The following RASGRF2 variants were observed in gnomAD, a reference collection of about 807,000 sequenced individuals.
The protein encoded by RASGRF2 is ras-specific guanine nucleotide-releasing factor 2.
A neutral mutation model predicts 151.0 loss-of-function variants in RASGRF2; 76 were observed. That is an observed-to-expected ratio of 0.50 (90% CI 0.42 to 0.61). The LOEUF is 0.61. RASGRF2 is among the 20% of genes least tolerant of loss of function. The probability of loss-of-function intolerance (pLI) is 0.00; values close to 1 mark genes in which losing one functional copy is unlikely to be tolerated. For missense variants in RASGRF2, 1,148 were observed against 1,564.6 expected (o/e 0.73, Z 4.49); for synonymous variants, 504 against 566.5 (o/e 0.89, Z 1.57).
intron 21 of RASGRF2, among the ~76,000 whole-genome samples, chr5:81,207,559 C>T (rs1425098295): frequency 6.6e-6 from 1 of 152,176 alleles, no homozygotes; most frequent in Non-Finnish European, 1.5e-5. Flanking sequence ...GACAAAGAAC[C>T]CTGCCCAGGG....
chr5:81,057,427 T>C (rs1751259216), intron 2 of RASGRF2, among the ~76,000 whole-genome samples: 1 of 152,228 alleles, frequency 6.6e-6, no homozygotes, highest in South Asian at 2.1e-4. Flanking sequence ...TTCTATAAGA[T>C]AACTAAGGTC....
In RASGRF2 at chr5:81,027,292, A is replaced by G. The variant is rs140675370; in HGVS notation, c.289-15585A>G. Among the ~76,000 whole-genome samples, 88 of 152,320 alleles carry G rather than the reference A, an allele frequency of 5.8e-4. 2 individuals are homozygous for G. The East Asian group carries it at 0.016, about 27-fold the overall frequency. Reference sequence around the variant, plus strand: ...TCATCAACTGTAACAAACATGTCACATATATGCAAAATGTTAATAATGGGA... The same window carrying G: ...TCATCAACTGTAACAAACATGTCACGTATATGCAAAATGTTAATAATGGGA... On this transcript the variant is annotated intron_variant, in intron 1 of 26. Transcript: ENST00000265080.
intron 1 of RASGRF2, among the ~76,000 whole-genome samples, chr5:80,995,693 C>CCCCCCTT (rs58481061): frequency 1.0e-5 from 1 of 97,336 alleles, no homozygotes. Context: ...TTCCCCCCCC[C>CCCCCCTT]TTTTTTTTTT....
At chr5:80,971,117 C>T (rs1045218853) in intron 1 of RASGRF2, among the ~76,000 whole-genome samples, 1 of 152,164 alleles carries the variant, frequency 6.6e-6, no homozygotes, top group Non-Finnish European at 1.5e-5. Flanking sequence ...AAAGTACACA[C>T]ATCATAGGTG....
chr5:81,174,996 G>A lies in RASGRF2; in HGVS notation c.2687-5179G>A, dbSNP rs534649027. The stretch of plus-strand genomic sequence containing the variant: ...TTACTAACTTGCAAGAGAAACTTAA[G>A]GCTTACACTTTGGATCCTGGCACAG... On this transcript the variant is annotated intron_variant, in intron 17 of 26. Transcript: ENST00000265080. 2.6e-5 allele frequency among the ~76,000 whole-genome samples: 4 copies of A among 152,310 alleles called. No homozygotes were observed. In the South Asian group the frequency reaches 8.3e-4, roughly 32 times the overall value.
chr5:80,987,337 G>A (rs761817208), intron 1 of RASGRF2, among the ~76,000 whole-genome samples: 1 of 152,166 alleles, frequency 6.6e-6, no homozygotes, highest in Non-Finnish European at 1.5e-5. Flanking sequence ...TTGCGGGCAG[G>A]AACCACAGTT....
Position 81,197,288 on chromosome 5 carries a change from C to T in RASGRF2, c.2794-4042C>T, listed in dbSNP as rs191268568. Among the ~76,000 whole-genome samples the T allele has an allele frequency of 5.2e-4, 77 of 149,328 alleles. 1 individual carries two copies. In the East Asian group the frequency reaches 0.015, roughly 28 times the overall value. On this transcript the variant is annotated intron_variant, in intron 18 of 26. Transcript: ENST00000265080. The stretch of plus-strand genomic sequence containing the variant: ...TGGCTAACAAGGTGAAACCCCGTCT[C>T]TACTAAAAATACAAAAAATTAGCCG...
At chr5:81,052,294 A>G (rs1017341150) in intron 2 of RASGRF2, among the ~76,000 whole-genome samples, 1 of 152,202 alleles carries the variant, frequency 6.6e-6, no homozygotes, top group African/African-American at 2.4e-5. Flanking sequence ...TAATTTTACC[A>G]TTAGTGATGT....
Position 81,055,629 on chromosome 5 carries a change from A to G in RASGRF2, c.396-12403A>G, listed in dbSNP as rs1161444123. 2.0e-5 allele frequency among the ~76,000 whole-genome samples: 3 copies of G among 152,168 alleles called. No individual in the cohort carries two copies. In the East Asian group the frequency reaches 5.8e-4, roughly 29 times the overall value. ...GTCTCTGCCAGGCTTTGGTATCAGG[A>G]TGACGCTGGCATCATAAAATGAGTT... On this transcript the variant is annotated intron_variant, in intron 2 of 26. Coordinates refer to ENST00000265080, the MANE Select transcript of RASGRF2 (RefSeq NM_006909.3).
At chr5:81,214,557 G>A (rs1264392109) in intron 23 of RASGRF2, among the ~76,000 whole-genome samples, 1 of 152,174 alleles carries the variant, frequency 6.6e-6, no homozygotes, top group Non-Finnish European at 1.5e-5. Context: ...AAACTTTTTT[G>A]AGCAAGGTTA....
At chr5:81,025,385 G>A (rs1038397442) in intron 1 of RASGRF2, among the ~76,000 whole-genome samples, 11 of 152,194 alleles carry the variant, frequency 7.2e-5, no homozygotes, top group East Asian at 3.8e-4. Flanking sequence ...TAGCAAGCTC[G>A]TTGGAGCTCC....
At chr5:81,142,607 T>A (rs948021375) in intron 17 of RASGRF2, among the ~76,000 whole-genome samples, 1 of 152,204 alleles carries the variant, frequency 6.6e-6, no homozygotes, top group Non-Finnish European at 1.5e-5. Context: ...TTCTGTATCA[T>A]GCTGTCTTTT....
chr5:81,181,660 A>T (rs1209900821), intron 18 of RASGRF2, among the ~76,000 whole-genome samples: 1 of 152,118 alleles, frequency 6.6e-6, no homozygotes, highest in Non-Finnish European at 1.5e-5. Flanking sequence ...TTTTTTCTCA[A>T]GAATCTTGAC....
intron 1 of RASGRF2, among the ~76,000 whole-genome samples, chr5:80,969,170 AC>A (rs1339105940): frequency 8.2e-5 from 10 of 122,408 alleles, no homozygotes; most frequent in Admixed American, 3.2e-4. Context: ...TCGCTCTGTC[AC>A]CCAGGCTGGA....
chr5:81,189,492 CTTTT>C lies in RASGRF2; in HGVS notation c.2793+9222_2793+9225del, dbSNP rs1196446275. 4.3e-5 allele frequency among the ~76,000 whole-genome samples: 6 copies of C among 139,938 alleles called. No individual in the cohort carries two copies. In the East Asian group the frequency reaches 8.3e-4, roughly 19 times the overall value. The allele number at this position is 139,938 out of a possible 152,430, so 91.8% of individuals were successfully genotyped here. The stretch of plus-strand genomic sequence containing the variant: ...TTTTTTGTTGTTTCTGTGTGTGTTT[CTTTT>C]TTTTTTTTTTAAGAGATGGGGTCTT... On this transcript the variant is annotated intron_variant, in intron 18 of 26. Transcript: ENST00000265080.
intron 20 of RASGRF2, 144 bp from the exon 21 acceptor site, chr5:81,207,102 T>G: frequency 1.2e-6 from 1 of 822,404 alleles, no homozygotes; most frequent in Non-Finnish European, 1.9e-6. Flanking sequence ...TTGATACTTT[T>G]AGCTTTCTGC....
chr5:81,207,314 C>G lies in RASGRF2; in HGVS notation c.3036C>G (p.Leu1012=). Residue 1012 remains leucine, a synonymous_variant, in exon 21 of 27, where the codon CTC becomes CTG. Coordinates refer to ENST00000265080, the MANE Select transcript of RASGRF2 (RefSeq NM_006909.3). ...TGGAGCTGGCAGAACAGATCACCCTCCTGGACCATGTCATTTTCAGAAGCA... is the reference window on the plus strand; with the variant it reads ...TGGAGCTGGCAGAACAGATCACCCTGCTGGACCATGTCATTTTCAGAAGCA... ...SAMELAEQIT[L]LDHVIFRSIP... The G allele has an allele frequency of 6.2e-7, 1 of 1,614,170 alleles. No homozygotes were observed. Among genetic ancestry groups the G allele is most frequent in the Non-Finnish European group, 8.5e-7 (1 of 1,180,032 alleles).
intron 17 of RASGRF2, among the ~76,000 whole-genome samples, chr5:81,160,585 T>C (rs571073201): frequency 2.0e-5 from 3 of 151,442 alleles, no homozygotes; most frequent in Admixed American, 6.6e-5. Context: ...GGCAGGGGAA[T>C]CGCTTGAACC....
At chr5:81,216,369 G>GCACACA (rs1043898848) in intron 24 of RASGRF2, among the ~76,000 whole-genome samples, 1 of 144,150 alleles carries the variant, frequency 6.9e-6, no homozygotes, top group East Asian at 2.0e-4. Context: ...ACACACACAC[G>GCACACA]CACACACACA....
Sources: gnomAD v4.1 joint callset for allele counts (sites outside exome capture counted in the v4.1 genomes callset) on GRCh38, gnomAD v4.1.1 for gene constraint, MANE v1.5 for transcripts, NCBI Gene and HGNC (gene_info 2026-07-23, HGNC 2026-07-21) for gene names.